SNRNP70: variants seen among roughly 807,000 people sequenced by gnomAD.
SNRNP70 encodes the protein small nuclear ribonucleoprotein U1 subunit 70, also known as U1 small nuclear ribonucleoprotein 70 kDa.
In SNRNP70, 8 loss-of-function variants were observed where a neutral mutation model predicts 50.5. The observed-to-expected ratio is 0.16, with a 90% CI of 0.09 to 0.29. The LOEUF (loss-of-function observed/expected upper bound fraction) is 0.29, where lower values mean the gene tolerates loss of function less well. Ranked by LOEUF, SNRNP70 falls within the 10% of genes least tolerant of loss-of-function variation. The probability of loss-of-function intolerance (pLI) is 1.00; values close to 1 mark genes in which losing one functional copy is unlikely to be tolerated. For missense variants in SNRNP70, 529 were observed against 663.5 expected, an observed-to-expected ratio of 0.80 and a Z score of 2.23; for synonymous variants, 320 against 252.9, an observed-to-expected ratio of 1.27 and a Z score of -2.52.
intron 4 of SNRNP70, among the ~76,000 whole-genome samples, chr19:49,092,323 C>G (rs1018116276): frequency 6.7e-5 from 10 of 150,178 alleles, no homozygotes; most frequent in South Asian, 2.1e-4. Flanking sequence ...TGACCAGGAT[C>G]GTCTAGATCT....
At chr19:49,097,226 C>T (rs1336583490) in intron 4 of SNRNP70, among the ~76,000 whole-genome samples, 1 of 152,150 alleles carries the variant, frequency 6.6e-6, no homozygotes, top group African/African-American at 2.4e-5. Context: ...GGGGAAGGAG[C>T]CTGGTAGTTC....
intron 4 of SNRNP70, among the ~76,000 whole-genome samples, chr19:49,095,925 A>G (rs1438530735): frequency 3.3e-5 from 5 of 150,572 alleles, no homozygotes; most frequent in South Asian, 2.1e-4. Context: ...GAGCACAAAC[A>G]TCGGCGAATA....
At chr19:49,101,527 C>T in intron 7 of SNRNP70, 56 bp downstream of exon 7, 1 of 1,218,126 alleles carries the variant, frequency 8.2e-7, no homozygotes, top group South Asian at 1.2e-5. Flanking sequence ...CTCTGCTGCC[C>T]CAGCCCCTCC....
Position 49,108,309 on chromosome 19 carries a change from G to C in SNRNP70, c.1180G>C (p.Gly394Arg), listed in dbSNP as rs762264278. ...GSERGRDEARGGGGGQDNGLE... is the reference protein window; with the variant it reads ...GSERGRDEARRGGGGQDNGLE... ...TGAGCGGGGCAGGGATGAGGCCCGA[G>C]GTGGGGGCGGTGGCCAGGACAACGG... Residue 394 changes from glycine to arginine, a missense_variant, in exon 10 of 10, where the codon GGT becomes CGT. By Grantham distance (125) the Gly-to-Arg change is moderately radical. This residue lies in a region of SNRNP70 where 327 missense variants were observed against 308.8 expected (regional missense o/e 1.06). Transcript: ENST00000598441. The C allele has an allele frequency of 1.1e-5, 18 of 1,587,506 alleles. No homozygotes were observed. Among genetic ancestry groups the C allele is most frequent in the Non-Finnish European group, 1.5e-5 (18 of 1,168,032 alleles).
In SNRNP70 at chr19:49,107,826, C is replaced by G; in HGVS notation, c.697C>G (p.Arg233Gly). The G allele has an allele frequency of 6.3e-7, 1 of 1,585,658 alleles. No individual in the cohort carries two copies. Among genetic ancestry groups the G allele is most frequent in the Non-Finnish European group, 8.6e-7 (1 of 1,166,478 alleles). ...PGPSPLPHRD[R>G]DRDRERERRE... ...CCCCTCCCCGCTTCCGCACAGGGAC[C>G]GGGACCGGGACCGTGAGCGGGAGCG... The change falls in exon 10 of 10, where the codon CGG becomes GGG. Residue 233 changes from arginine to glycine, a missense_variant. Around this residue, in one of 4 missense-constraint regions of SNRNP70, gnomAD observed 53 missense variants for 78.6 expected, o/e 0.67. Transcript: ENST00000598441. This position sits in a 1 kb window ranked among gnomAD's most constrained non-coding sequence, Gnocchi z 6.0.
chr19:49,095,018 A>G (rs1177121136), intron 4 of SNRNP70, among the ~76,000 whole-genome samples: 1 of 152,266 alleles, frequency 6.6e-6, no homozygotes, highest in Non-Finnish European at 1.5e-5. Context: ...AGCTGCCGTC[A>G]GGGCGCTGCA....
rs1568424755 is a variant in SNRNP70 at position 49,108,146 on chromosome 19, CCCTGACGGT to C, written c.1020_1028del (p.Asp341_Pro343del). The C allele has an allele frequency of 8.4e-6, 13 of 1,542,902 alleles. No homozygotes were observed. The highest frequency in any genetic ancestry group is 4.8e-5 in the South Asian group (4 of 82,722). ...CTCCAGGGGAGCTCGGGCCTGACGG[CCCTGACGGT>C]CCAGAGGAAAAGGGCCGGGATCGTG... On this transcript the variant is annotated inframe_deletion, in exon 10 of 10. Transcript: ENST00000598441.
intron 4 of SNRNP70, among the ~76,000 whole-genome samples, chr19:49,092,539 G>T (rs993665832): frequency 6.6e-6 from 1 of 152,148 alleles, no homozygotes; most frequent in Non-Finnish European, 1.5e-5. Context: ...CTTCTGAGCA[G>T]CTGGGACTAC....
chr19:49,089,665 T>TC (rs1353782473), intron 2 of SNRNP70, among the ~76,000 whole-genome samples: 3 of 138,428 alleles, frequency 2.2e-5, no homozygotes, highest in Non-Finnish European at 4.8e-5. Flanking sequence ...GATTTTTTTT[T>TC]TTTTTTTTTT....
chr19:49,104,221 C>A lies in SNRNP70; in HGVS notation c.476-413C>A. ...TGGGCCTCCTGCCCCGGCTTGGTGT[C>A]TCAGGGTGCATGCTTGGGGTTGTGG... On this transcript the variant is annotated intron_variant, in intron 7 of 9. Coordinates refer to ENST00000598441, the MANE Select transcript of SNRNP70 (RefSeq NM_003089.6). The surrounding 1 kb of genome is among the most constrained non-coding windows in gnomAD (Gnocchi z 5.4). The A allele has an allele frequency of 6.0e-6, 1 of 166,542 alleles. No individual in the cohort carries two copies. Among genetic ancestry groups the A allele is most frequent in the South Asian group, 1.5e-4 (1 of 6,656 alleles). The allele number at this position is 166,542 out of a possible 1,614,324, so 10.3% of individuals were successfully genotyped here.
chr19:49,097,485 G>C (rs1487773281), intron 4 of SNRNP70, among the ~76,000 whole-genome samples: 1 of 152,208 alleles, frequency 6.6e-6, no homozygotes, highest in Non-Finnish European at 1.5e-5. Flanking sequence ...ACCAGGGTCT[G>C]ATTTTTCACA....
intron 8 of SNRNP70, among the ~76,000 whole-genome samples, chr19:49,105,618 T>G (rs2040656146): frequency 6.6e-6 from 1 of 151,956 alleles, no homozygotes; most frequent in Non-Finnish European, 1.5e-5. Context: ...TCCCATCTAC[T>G]CGGGAGGCTG....
chr19:49,105,583 T>G (rs893220468), intron 8 of SNRNP70, among the ~76,000 whole-genome samples: 5 of 151,848 alleles, frequency 3.3e-5, no homozygotes, highest in Admixed American at 1.3e-4. Context: ...AAAAATTAAC[T>G]GGGCGTGGTG....
At chr19:49,099,506 G>A (rs1186660478) in intron 6 of SNRNP70, among the ~76,000 whole-genome samples, 4 of 151,586 alleles carry the variant, frequency 2.6e-5, no homozygotes, top group African/African-American at 7.3e-5. Flanking sequence ...CGAGGTGGGC[G>A]GATAACCTGA....
At chr19:49,095,049 C>T (rs977975504) in intron 4 of SNRNP70, among the ~76,000 whole-genome samples, 11 of 152,250 alleles carry the variant, frequency 7.2e-5, no homozygotes, top group African/African-American at 2.7e-4. Flanking sequence ...GGCTGTGGGG[C>T]GCTGCCCGGC....
At chr19:49,098,200 A>G (rs1171066047) in intron 4 of SNRNP70, among the ~76,000 whole-genome samples, 2 of 152,118 alleles carry the variant, frequency 1.3e-5, no homozygotes, top group Non-Finnish European at 2.9e-5. Context: ...TCCTCTCCTC[A>G]GCAGCCTGGA....
At chr19:49,097,476 C>G (rs1472032509) in intron 4 of SNRNP70, among the ~76,000 whole-genome samples, 1 of 152,176 alleles carries the variant, frequency 6.6e-6, no homozygotes. Context: ...CGGGTCATCA[C>G]CAGGGTCTGA....
At chr19:49,089,194 T>C (rs924486426) in intron 2 of SNRNP70, among the ~76,000 whole-genome samples, 3 of 151,674 alleles carry the variant, frequency 2.0e-5, no homozygotes, top group Non-Finnish European at 4.4e-5. Flanking sequence ...CAGTCAGGAG[T>C]TCAAGACCAG....
chr19:49,088,923 A>G lies in SNRNP70; in HGVS notation c.148-1368A>G, dbSNP rs549965752. ...TGTTGCTTTAGGCCTGGTCATCCTC[A>G]CTGGCACTCATAAGCAGGGCCCTGC... On this transcript the variant is annotated intron_variant, in intron 2 of 9. Transcript: ENST00000598441. Among the ~76,000 whole-genome samples, 15 of 152,204 alleles carry G rather than the reference A, an allele frequency of 9.9e-5. 1 individual carries two copies. In the South Asian group the frequency reaches 3.1e-3, roughly 32 times the overall value.
Sources: allele counts gnomAD v4.1 joint callset (sites outside exome capture counted in the v4.1 genomes callset), GRCh38; gene constraint gnomAD v4.1.1; regional missense constraint gnomAD v4.1.1; non-coding constraint Gnocchi (gnomAD v3.1); transcripts MANE v1.5; gene names NCBI Gene and HGNC (gene_info 2026-07-23, HGNC 2026-07-21).